COBLL1: variants seen among roughly 807,000 people sequenced by gnomAD.
The protein encoded by COBLL1 is cordon-bleu WH2 repeat protein like 1, also known as cordon-bleu protein-like 1.
Under a neutral mutation model 94.8 loss-of-function variants are expected in COBLL1, and 50 were observed. That is an observed-to-expected ratio of 0.53 (90% CI 0.42 to 0.67). The LOEUF is 0.67. Among genes scored for constraint, COBLL1 ranks in the 30% least tolerant of loss-of-function variants. The probability of loss-of-function intolerance (pLI) is 0.00; values close to 1 mark genes in which losing one functional copy is unlikely to be tolerated. For synonymous variants in COBLL1, 448 were observed against 473.8 expected (o/e 0.95, Z 0.71); for missense variants, 1,362 against 1,348.7 (o/e 1.01, Z -0.15).
At chr2:164,816,697 G>A (rs932647791) in intron 2 of COBLL1, among the ~76,000 whole-genome samples, 2 of 152,150 alleles carry the variant, frequency 1.3e-5, no homozygotes, top group African/African-American at 4.8e-5. Context: ...GTGGGACTAA[G>A]ACAAGGGGGA....
At chr2:164,743,546 G>A in intron 3 of COBLL1, 141 bp downstream of exon 3, 2 of 679,140 alleles carry the variant, frequency 2.9e-6, no homozygotes, top group Non-Finnish European at 4.9e-6. Context: ...CATTTTAGCA[G>A]TCTTTTTTTT....
intron 2 of COBLL1, among the ~76,000 whole-genome samples, chr2:164,831,535 A>G (rs907104147): frequency 6.6e-6 from 1 of 151,634 alleles, no homozygotes; most frequent in Non-Finnish European, 1.5e-5. Flanking sequence ...CACAGAAAAA[A>G]TATTTTTTTT....
chr2:164,746,461 AC>A (rs1421548792), intron 2 of COBLL1, among the ~76,000 whole-genome samples: 2 of 152,098 alleles, frequency 1.3e-5, no homozygotes, highest in African/African-American at 4.8e-5. Context: ...TCTTGCCTCA[AC>A]CAGAAAAGAT....
intron 8 of COBLL1, 34 bp from the exon 9 acceptor site, chr2:164,704,552 A>G: frequency 6.7e-7 from 1 of 1,488,286 alleles, no homozygotes. Flanking sequence ...TTATAAAGTC[A>G]TATTCACAAA....
At chr2:164,805,323 C>CTATATATA (rs1559033361) in intron 2 of COBLL1, among the ~76,000 whole-genome samples, 10 of 33,678 alleles carry the variant, frequency 3.0e-4, no homozygotes, top group African/African-American at 4.6e-4. Context: ...CTCTCTCTCT[C>CTATATATA]TCTCTCTCTC....
intron 5 of COBLL1, chr2:164,724,607 T>A (rs1203218251): frequency 4.6e-5 from 7 of 152,196 alleles, no homozygotes; most frequent in Admixed American, 3.9e-4. Flanking sequence ...AAGCAACATA[T>A]GGATTTTATG....
At chr2:164,664,260 A>G (rs777424931) in intron 2 of COBLL1, among the ~76,000 whole-genome samples, 13 of 152,362 alleles carry the variant, frequency 8.5e-5, no homozygotes, top group Non-Finnish European at 1.3e-4. Context: ...CATGTCATCT[A>G]TGAAAACAAG....
At chr2:164,670,533 G>A (rs1691226756) in intron 1 of COBLL1, among the ~76,000 whole-genome samples, 1 of 152,116 alleles carries the variant, frequency 6.6e-6, no homozygotes, top group African/African-American at 2.4e-5. Context: ...TTTATCCTTT[G>A]CACAAAGAAG....
chr2:164,747,451 A>G (rs1302069781), intron 2 of COBLL1, among the ~76,000 whole-genome samples: 1 of 152,176 alleles, frequency 6.6e-6, no homozygotes, highest in African/African-American at 2.4e-5. Flanking sequence ...AAGATGGGGA[A>G]AGTAGGACAA....
intron 2 of COBLL1, among the ~76,000 whole-genome samples, chr2:164,821,308 C>T (rs1373565356): frequency 6.6e-6 from 1 of 152,194 alleles, no homozygotes; most frequent in African/African-American, 2.4e-5. Context: ...CCATCCCACT[C>T]TCCACACCCA....
At position 164,841,300 on chromosome 2, in the gene COBLL1, G is replaced by A. The variant is rs1683598779; in HGVS notation, c.-50-54C>T. 8.2e-7 allele frequency: 1 copy of A among 1,215,320 alleles called. No homozygotes were observed. The highest frequency in any genetic ancestry group is 1.0e-6 in the Non-Finnish European group (1 of 977,326). 75.3% of individuals were successfully genotyped at this position (1,215,320 alleles called of 1,614,324 possible). ...GCGGGACGCGCGCCTTCCCGAGGCCGGAGCGAAGCTGGCTGAGCGTCAAGA... is the reference window on the plus strand; with the variant it reads ...GCGGGACGCGCGCCTTCCCGAGGCCAGAGCGAAGCTGGCTGAGCGTCAAGA... On this transcript the variant is annotated intron_variant, in intron 1 of 13. Transcript: ENST00000652658. This position sits in a 1 kb window ranked among gnomAD's most constrained non-coding sequence, Gnocchi z 5.5.
intron 7 of COBLL1, among the ~76,000 whole-genome samples, chr2:164,720,563 T>C (rs557374087): frequency 6.6e-6 from 1 of 152,294 alleles, no homozygotes; most frequent in East Asian, 1.9e-4. Context: ...GAGTATAATT[T>C]ACACTCTTCT....
intron 2 of COBLL1, among the ~76,000 whole-genome samples, chr2:164,771,450 T>C (rs1688199256): frequency 6.6e-6 from 1 of 152,076 alleles, no homozygotes; most frequent in African/African-American, 2.4e-5. Flanking sequence ...ACAGCATGAT[T>C]AGAGTACCCC....
At chr2:164,770,681 A>T (rs958926594) in intron 2 of COBLL1, among the ~76,000 whole-genome samples, 1 of 152,150 alleles carries the variant, frequency 6.6e-6, no homozygotes, top group African/African-American at 2.4e-5. Flanking sequence ...AGGAAATGAC[A>T]AAGAAATATA....
chr2:164,710,365 A>C (rs1478167162), intron 7 of COBLL1, among the ~76,000 whole-genome samples: 1 of 152,204 alleles, frequency 6.6e-6, no homozygotes. Context: ...ACTGGGATTT[A>C]CAGAGAATAT....
intron 7 of COBLL1, among the ~76,000 whole-genome samples, chr2:164,715,388 A>T (rs745406592): frequency 3.7e-4 from 56 of 152,188 alleles, no homozygotes; most frequent in Non-Finnish European, 6.5e-4. Flanking sequence ...CTATATAATA[A>T]ATATAAGAGG....
intron 2 of COBLL1, among the ~76,000 whole-genome samples, chr2:164,778,372 C>A (rs1393472679): frequency 6.6e-6 from 1 of 152,120 alleles, no homozygotes. Context: ...TTTGGGAGGC[C>A]GGGGCAGGCA....
chr2:164,729,056 A>G (rs1685854018), intron 4 of COBLL1, among the ~76,000 whole-genome samples: 1 of 151,916 alleles, frequency 6.6e-6, no homozygotes, highest in Non-Finnish European at 1.5e-5. Context: ...GGGATATGTA[A>G]TAAACACCTA....
chr2:164,771,886 T>C (rs2105251689), intron 2 of COBLL1: 1 of 151,284 alleles, frequency 6.6e-6, no homozygotes, highest in Middle Eastern at 3.4e-3. Flanking sequence ...AAATGGAATA[T>C]AATTATACTC....
Sources: allele counts gnomAD v4.1 joint callset (sites outside exome capture counted in the v4.1 genomes callset), GRCh38; gene constraint gnomAD v4.1.1; non-coding constraint Gnocchi (gnomAD v3.1); transcripts MANE v1.5; gene names NCBI Gene and HGNC (gene_info 2026-07-23, HGNC 2026-07-21).